Variants in RPH3AL observed in about 807,000 individuals in gnomAD.
RPH3AL encodes the protein rabphilin 3A like (without C2 domains).
RPH3AL carries 38 observed loss-of-function variants against 43.1 expected under a neutral mutation model. The ratio of observed to expected loss-of-function variants is 0.88; its 90% confidence interval spans 0.68 to 1.15. The LOEUF is 1.15. Among genes scored for constraint, RPH3AL ranks in the 50% most tolerant of loss-of-function variants. The pLI is 0.00. For synonymous variants in RPH3AL, 189 were observed against 176.3 expected, an observed-to-expected ratio of 1.07 and a Z score of -0.57; for missense variants, 462 against 423.2, an observed-to-expected ratio of 1.09 and a Z score of -0.81.
chr17:322,878 G>C lies in RPH3AL; in HGVS notation c.78-1463C>G, dbSNP rs1434683093. Among the ~76,000 whole-genome samples, 1 of 152,032 alleles carries C rather than the reference G, an allele frequency of 6.6e-6. No homozygotes were observed. The highest frequency in any genetic ancestry group is 1.5e-5 in the Non-Finnish European group (1 of 67,990). On this transcript the variant is annotated intron_variant, in intron 3 of 9. Transcript: ENST00000331302. The surrounding 1 kb of genome is among the most constrained non-coding windows in gnomAD (Gnocchi z 4.0). ...TGATGAATGTGAAGATCTAGGGTTT[G>C]GAGTCCACTGGACAGTCTTATCTTC...
rs1303996869 is a variant in RPH3AL, at chr17:283,061, C to A, written c.352-1207G>T. Among the ~76,000 whole-genome samples, 1 of 152,160 alleles carries A rather than the reference C, an allele frequency of 6.6e-6. No individual in the cohort carries two copies. The highest frequency in any genetic ancestry group is 1.5e-5 in the Non-Finnish European group (1 of 68,042). On this transcript the variant is annotated intron_variant, in intron 5 of 9. Transcript: ENST00000331302. This position sits in a 1 kb window ranked among gnomAD's most constrained non-coding sequence, Gnocchi z 4.2. ...GGCTCCAGGCTAACCCAGGCAGAGT[C>A]TGATTCAGCGATCGCTGGCGACTCC...
At chr17:247,394 G>A in intron 6 of RPH3AL, 109 bp from the exon 7 acceptor site, 1 of 1,171,864 alleles carries the variant, frequency 8.5e-7, no homozygotes, top group East Asian at 2.6e-5. Flanking sequence ...GAGCAGAGTG[G>A]GAGTGGGAAC....
In RPH3AL at chr17:213,484, T is replaced by C. The variant is rs969776518; in HGVS notation, c.*368A>G. 77 of 343,158 alleles carry C rather than the reference T, an allele frequency of 2.2e-4. No individual in the cohort carries two copies. Among genetic ancestry groups the C allele is most frequent in the African/African-American group, 1.6e-3 (72 of 46,422 alleles). 21.3% of individuals were successfully genotyped at this position (343,158 alleles called of 1,614,324 possible). ...GTTTCATTTAGTCTTGCCATTAATATAGCAACGGAGATAGCCCCACCGGGC... is the reference window on the plus strand; with the variant it reads ...GTTTCATTTAGTCTTGCCATTAATACAGCAACGGAGATAGCCCCACCGGGC... On this transcript the variant is annotated 3_prime_UTR_variant, in exon 10 of 10. Transcript: ENST00000331302.
rs772973433 is a variant in RPH3AL at position 247,210 on chromosome 17, C to T, written c.514G>A (p.Ala172Thr). ...AAAGGTCGGAAGTGGGGGTCATCAG[C>T]TCGGCCAGGGGTCTTCAGGGGCAAG... is the stretch of plus-strand genomic sequence containing the variant. ...YILPLKTPGR[A>T]DDPHFRPLPT... The change falls in exon 7 of 10, where the codon GCT (alanine) becomes ACT (threonine). Residue 172 changes from alanine (A) to threonine (T), a missense_variant. Ala to Thr is a moderately conservative substitution (Grantham distance 58). Transcript: ENST00000331302. 3.1e-6 allele frequency: 5 copies of T among 1,613,880 alleles called. No homozygotes were observed. The highest frequency in any genetic ancestry group is 3.4e-6 in the Non-Finnish European group (4 of 1,179,892).
chr17:320,837 C>T (rs1300511786), intron 4 of RPH3AL, among the ~76,000 whole-genome samples: 2 of 152,358 alleles, frequency 1.3e-5, no homozygotes, highest in Admixed American at 1.3e-4. Context: ...GTGGTCGGCG[C>T]TGGAGGCGGA....
Position 244,502 on chromosome 17 carries a change from C to T in RPH3AL, c.613+2609G>A, listed in dbSNP as rs138196852. Reference sequence around the variant, plus strand: ...GAGGCTTAGAGAGAGGCTGAGAGAGCGAGCAAGCTGGTGCTGTGATCAGCT... The same window carrying T: ...GAGGCTTAGAGAGAGGCTGAGAGAGTGAGCAAGCTGGTGCTGTGATCAGCT... On this transcript the variant is annotated intron_variant, in intron 7 of 9. Transcript: ENST00000331302. Among the ~76,000 whole-genome samples the T allele has an allele frequency of 3.2e-3, 480 of 152,044 alleles. 3 individuals carry two copies. Among genetic ancestry groups the T allele is most frequent in the African/African-American group, 0.011 (455 of 41,474 alleles).
intron 5 of RPH3AL, among the ~76,000 whole-genome samples, chr17:294,311 A>G (rs937082810): frequency 6.6e-6 from 1 of 151,358 alleles, no homozygotes; most frequent in African/African-American, 2.4e-5. Flanking sequence ...AAAAAAAAAT[A>G]CAAAAATTAG....
At chr17:247,354 G>T in intron 6 of RPH3AL, 69 bp from the exon 7 acceptor site, 1 of 1,442,458 alleles carries the variant, frequency 6.9e-7, no homozygotes, top group Non-Finnish European at 9.2e-7. Flanking sequence ...TCCTTGCCCA[G>T]ATGACGGGAG....
At chr17:342,672 T>G (rs543934171) in intron 1 of RPH3AL, among the ~76,000 whole-genome samples, 1 of 152,224 alleles carries the variant, frequency 6.6e-6, no homozygotes, top group Admixed American at 6.5e-5. Context: ...GAAAGTAGAT[T>G]AGTGGTTGCC....
At position 215,182 on chromosome 17, in the gene RPH3AL, C is replaced by T. The variant is rs2040766649; in HGVS notation, c.876+472G>A. On this transcript the variant is annotated intron_variant, in intron 9 of 9. Coordinates refer to ENST00000331302, the MANE Select transcript of RPH3AL (RefSeq NM_006987.4). The surrounding 1 kb of genome is among the most constrained non-coding windows in gnomAD (Gnocchi z 4.1). ...CCTGCACCTGCGCAGTTTTCTCTGG[C>T]TTCAGTTTAAGGAGAACCCTCACCC... Among the ~76,000 whole-genome samples the T allele has an allele frequency of 6.6e-6, 1 of 152,144 alleles. No individual in the cohort carries two copies. The highest frequency in any genetic ancestry group is 1.5e-5 in the Non-Finnish European group (1 of 68,026).
intron 6 of RPH3AL, among the ~76,000 whole-genome samples, chr17:275,101 C>T (rs1043991546): frequency 5.9e-5 from 9 of 152,026 alleles, no homozygotes; most frequent in Admixed American, 5.9e-4. Context: ...TCAGGAATTA[C>T]CCAATAGAGT....
intron 5 of RPH3AL, among the ~76,000 whole-genome samples, chr17:310,499 C>G (rs1407439743): frequency 6.6e-6 from 1 of 152,156 alleles, no homozygotes; most frequent in African/African-American, 2.4e-5. Flanking sequence ...CCTGCCCAAG[C>G]CCACACACCT....
At chr17:265,514 G>A (rs183150847) in intron 6 of RPH3AL, among the ~76,000 whole-genome samples, 5 of 152,260 alleles carry the variant, frequency 3.3e-5, no homozygotes, top group South Asian at 2.1e-4. Flanking sequence ...AAAAACGTTC[G>A]TCATCCTGAA....
chr17:282,004 A>G (rs1207570106), intron 5 of RPH3AL, 150 bp from the exon 6 acceptor site: 7 of 648,254 alleles, frequency 1.1e-5, no homozygotes, highest in Admixed American at 7.6e-5. Context: ...CCAGAGGCAC[A>G]GCTCATCTAA....
chr17:253,700 G>A (rs11659042), intron 6 of RPH3AL, among the ~76,000 whole-genome samples: 15,967 of 86,676 alleles, frequency 0.18, 3,694 homozygotes, highest in East Asian at 0.33. Context: ...TACTTCCTAT[G>A]AGGGGAGCCG....
At chr17:294,119 C>T (rs2043112839) in intron 5 of RPH3AL, among the ~76,000 whole-genome samples, 2 of 152,110 alleles carry the variant, frequency 1.3e-5, no homozygotes, top group African/African-American at 4.8e-5. Flanking sequence ...TCCAGGGGTT[C>T]CTGAGTTCAT....
At chr17:314,259 G>C (rs944060854) in intron 5 of RPH3AL, among the ~76,000 whole-genome samples, 3 of 152,194 alleles carry the variant, frequency 2.0e-5, no homozygotes, top group African/African-American at 7.2e-5. Flanking sequence ...GCCAGGCTCT[G>C]TGCCTCTCCA....
intron 6 of RPH3AL, among the ~76,000 whole-genome samples, chr17:269,093 T>C (rs756288371): frequency 4.6e-5 from 7 of 152,140 alleles, no homozygotes; most frequent in Non-Finnish European, 8.8e-5. Flanking sequence ...TTAGCCAGGA[T>C]GGTCTCGATC....
intron 5 of RPH3AL, among the ~76,000 whole-genome samples, chr17:315,754 C>G (rs1239277874): frequency 6.6e-6 from 1 of 151,028 alleles, no homozygotes; most frequent in African/African-American, 2.4e-5. Flanking sequence ...GCTCCACATC[C>G]ATTGACCTTT....
Sources: allele counts gnomAD v4.1 joint callset (sites outside exome capture counted in the v4.1 genomes callset), GRCh38; gene constraint gnomAD v4.1.1; non-coding constraint Gnocchi (gnomAD v3.1); transcripts MANE v1.5; gene names NCBI Gene and HGNC (gene_info 2026-07-23, HGNC 2026-07-21).